The following BCAP31 variants were observed in gnomAD, a reference collection of about 807,000 sequenced individuals.
BCAP31 encodes B cell receptor associated protein 31.
For synonymous variants in BCAP31, 75 were observed against 80.9 expected (o/e 0.93, Z 0.39); for missense variants, 124 against 193.0 (o/e 0.64, Z 2.12).
At chrX:153,714,663 G>A (rs2091614831) in intron 4 of BCAP31, among the ~76,000 whole-genome samples, 1 of 110,877 alleles carries the variant, frequency 9.0e-6, no homozygotes, top group Admixed American at 9.6e-5. Flanking sequence ...GAGTCTCGGG[G>A]CACAAAACCA....
intron 4 of BCAP31, among the ~76,000 whole-genome samples, chrX:153,705,619 G>C (rs1451666289): frequency 8.9e-6 from 1 of 112,962 alleles, no homozygotes; most frequent in African/African-American, 3.2e-5. Flanking sequence ...GAGCCAGAGA[G>C]AAACAATGCA....
At chrX:153,721,445 A>AC (rs2091665489) in intron 2 of BCAP31, among the ~76,000 whole-genome samples, 3 of 107,676 alleles carry the variant, frequency 2.8e-5, no homozygotes, top group African/African-American at 1.0e-4. Context: ...CAAAAAAAAA[A>AC]AAAAAAAAAG....
chrX:153,708,149 A>C (rs2091566549), intron 4 of BCAP31, among the ~76,000 whole-genome samples: 2 of 112,704 alleles, frequency 1.8e-5, no homozygotes, highest in Non-Finnish European at 3.8e-5. Flanking sequence ...CCAATGCCTC[A>C]ATCTGACTGG....
chrX:153,716,751 C>G lies in BCAP31; in HGVS notation c.194-1062G>C, dbSNP rs185674420. On this transcript the variant is annotated intron_variant, in intron 3 of 7. Coordinates refer to ENST00000345046, the MANE Select transcript of BCAP31 (RefSeq NM_001256447.2). ...TTCCAGCCTGGGCGACAGAGCGAGA[C>G]TCTGTCTCGAAAAAGCCAAAACAAA... Among the ~76,000 whole-genome samples the G allele has an allele frequency of 9.1e-3, 1,021 of 111,660 alleles. 5 individuals are homozygous for G. Among genetic ancestry groups the G allele is most frequent in the African/African-American group, 0.032 (985 of 30,684 alleles).
In BCAP31 at chrX:153,708,813, A is replaced by AG. The variant is rs782215283; in HGVS notation, c.342-4720dup. ...AGCAGACCCGAGAAGGCTGCCCCAA[A>AG]GGGCTGCCCCAAGTCCATTTTGGTA... is the stretch of plus-strand genomic sequence containing the variant. On this transcript the variant is annotated intron_variant, in intron 4 of 7. Transcript: ENST00000345046. Among the ~76,000 whole-genome samples, 485 of 112,829 alleles carry AG rather than the reference A, an allele frequency of 4.3e-3. 3 individuals are homozygous for AG. The highest frequency in any genetic ancestry group is 0.014 in the African/African-American group (445 of 31,119).
At chrX:153,704,127 A>T in intron 4 of BCAP31, 33 bp from the exon 5 acceptor site, 1 of 1,192,878 alleles carries the variant, frequency 8.4e-7, no homozygotes, top group Middle Eastern at 3.1e-4. Context: ...GGGAGAAGTG[A>T]GAAAAAGAGC....
intron 4 of BCAP31, among the ~76,000 whole-genome samples, chrX:153,711,857 A>G (rs782263833): frequency 9.8e-6 from 1 of 102,100 alleles, no homozygotes; most frequent in South Asian, 4.7e-4. Context: ...GTAAGCCAAG[A>G]CTGTGCCACT....
chrX:153,723,862 CCG>C, intron 1 of BCAP31: 3 of 582,647 alleles, frequency 5.1e-6, no homozygotes, highest in Non-Finnish European at 8.5e-6. Flanking sequence ...CCGCCCGGGG[CCG>C]CTTCGCCTCC....
At chrX:153,702,819 C>T in intron 6 of BCAP31, 116 bp downstream of exon 6, 1 of 1,043,328 alleles carries the variant, frequency 9.6e-7, no homozygotes, top group Non-Finnish European at 1.3e-6. Flanking sequence ...TTTCAGCCAG[C>T]CCTCGAGCGT....
At chrX:153,721,256 C>T (rs933145725) in intron 2 of BCAP31, 6 of 223,498 alleles carry the variant, frequency 2.7e-5, no homozygotes, top group Admixed American at 1.4e-4. Context: ...GCCAACATGG[C>T]GAAACCCTGT....
chrX:153,702,963 T>G lies in BCAP31; in HGVS notation c.573A>C (p.Leu191=). The G allele has an allele frequency of 8.3e-7, 1 of 1,210,349 alleles. No individual in the cohort carries two copies. Among genetic ancestry groups the G allele is most frequent in the Non-Finnish European group, 1.1e-6 (1 of 895,334 alleles). Residue 191 remains leucine, a synonymous_variant, in exon 6 of 8, where the codon CTA becomes CTC. Transcript: ENST00000345046. The part of the protein sequence containing the change: ...NRSLKADLQK[L]KDELASTKQK... ...GCTTAGTGCTGGCCAGCTCGTCCTT[T>G]AGCTTCTGCAGGTCAGCCTTCAGGC...
At chrX:153,705,113 AAG>A (rs1247569601) in intron 4 of BCAP31, 3 of 112,982 alleles carry the variant, frequency 2.7e-5, no homozygotes, top group African/African-American at 9.6e-5. Context: ...TGGGGGAAGG[AAG>A]AGACAAATCT....
intron 1 of BCAP31, 29 bp from the exon 2 acceptor site, chrX:153,723,317 G>A: frequency 1.7e-6 from 2 of 1,171,190 alleles, no homozygotes; most frequent in Non-Finnish European, 2.3e-6. Context: ...TACGGGACTT[G>A]TAAGCGCTGG....
rs200208796 is a variant in BCAP31, at chrX:153,709,163, ACC to A, written c.342-5071_342-5070del. 4.7e-3 allele frequency among the ~76,000 whole-genome samples: 522 copies of A among 111,830 alleles called. 22 individuals are homozygous for A. In the East Asian group the frequency reaches 0.13, roughly 28 times the overall value. On this transcript the variant is annotated intron_variant, in intron 4 of 7. Coordinates refer to ENST00000345046, the MANE Select transcript of BCAP31 (RefSeq NM_001256447.2). Reference sequence around the variant, plus strand: ...GGGGTAAGCTGGAGGGTAGAGAGCAACCGACTGAGGTAAGACAACTTAGGCAA... The same window carrying A: ...GGGGTAAGCTGGAGGGTAGAGAGCAAGACTGAGGTAAGACAACTTAGGCAA...
intron 3 of BCAP31, among the ~76,000 whole-genome samples, chrX:153,718,448 T>C (rs1009505187): frequency 9.1e-6 from 1 of 110,490 alleles, no homozygotes; most frequent in Non-Finnish European, 1.9e-5. Context: ...AGGCGTGGAA[T>C]GCTCCTCCTG....
At chrX:153,702,152 G>C (rs782503671) in intron 6 of BCAP31, 45 bp from the exon 7 acceptor site, 1 of 1,100,284 alleles carries the variant, frequency 9.1e-7, no homozygotes, top group Admixed American at 2.3e-5. Context: ...CGAAAAGACA[G>C]GAATTAGGGG....
intron 3 of BCAP31, among the ~76,000 whole-genome samples, chrX:153,717,003 A>ACCT (rs56709962): frequency 0.18 from 20,360 of 112,196 alleles, 1,955 homozygotes; most frequent in African/African-American, 0.37. Flanking sequence ...AAATGTGGTC[A>ACCT]CATCTAAAGT....
At chrX:153,723,786 C>CAGTACTGTGTAGAT in intron 1 of BCAP31, 1 of 887,345 alleles carries the variant, frequency 1.1e-6, no homozygotes. Context: ...GACGCCCCCG[C>CAGTACTGTGTAGAT]CTCCCACCGT....
At position 153,715,678 on chromosome X, in the gene BCAP31, C is replaced by T. The variant is rs998971015; in HGVS notation, c.205G>A (p.Glu69Lys). 8.3e-7 allele frequency: 1 copy of T among 1,211,448 alleles called. No individual in the cohort carries two copies. Among genetic ancestry groups the T allele is most frequent in the Non-Finnish European group, 1.1e-6 (1 of 895,274 alleles). Residue 69 changes from glutamate to lysine, a missense_variant, in exon 4 of 8, where the codon GAA (glutamate) becomes AAA (lysine). Glu to Lys is a moderately conservative substitution (Grantham distance 56). Coordinates refer to ENST00000345046, the MANE Select transcript of BCAP31 (RefSeq NM_001256447.2). ...GTCACATCATCATACTTCCGAATTT[C>T]GCGCACGGCATCTGTGGTGGAGCAG... The part of the protein sequence containing the change: ...LVLLVIDAVR[E>K]IRKYDDVTEK...
Sources: allele counts gnomAD v4.1 joint callset (sites outside exome capture counted in the v4.1 genomes callset), GRCh38; gene constraint gnomAD v4.1.1; transcripts MANE v1.5; gene names NCBI Gene and HGNC (gene_info 2026-07-23, HGNC 2026-07-21).